The following ROBO2 variants were observed in gnomAD, a reference collection of about 807,000 sequenced individuals.
ROBO2 encodes the protein roundabout guidance receptor 2, also known as roundabout homolog 2.
ROBO2 carries 53 observed loss-of-function variants against 160.8 expected under a neutral mutation model. The observed-to-expected ratio is 0.33, with a 90% CI of 0.26 to 0.41. The LOEUF (loss-of-function observed/expected upper bound fraction) is 0.41, where lower values mean the gene tolerates loss of function less well. ROBO2 is among the 10% of genes least tolerant of loss of function. The probability of loss-of-function intolerance (pLI) is 1.00; values close to 1 mark genes in which losing one functional copy is unlikely to be tolerated. For synonymous variants in ROBO2, 664 were observed against 611.7 expected (o/e 1.09, Z -1.26); for missense variants, 1,577 against 1,722.4 (o/e 0.92, Z 1.49).
rs76660686 is a variant in ROBO2, at chr3:76,064,120, G to A, written c.109+126518G>A. 7.0e-3 allele frequency among the ~76,000 whole-genome samples: 1,072 copies of A among 152,250 alleles called. 61 individuals are homozygous for A. In the East Asian group the frequency reaches 0.15, roughly 22 times the overall value. On this transcript the variant is annotated intron_variant, in intron 2 of 26. Transcript: ENST00000487694. Reference sequence around the variant, plus strand: ...CTGGAAAAAGACCTCCAAGTTTCACGTGAGAATTGCAGACTGGTCGACACC... The same window carrying A: ...CTGGAAAAAGACCTCCAAGTTTCACATGAGAATTGCAGACTGGTCGACACC...
At chr3:76,322,861 A>G (rs553143022) in intron 2 of ROBO2, among the ~76,000 whole-genome samples, 1 of 152,302 alleles carries the variant, frequency 6.6e-6, no homozygotes, top group African/African-American at 2.4e-5. Context: ...AATTAAAATA[A>G]CTTTATGGGG....
intron 2 of ROBO2, among the ~76,000 whole-genome samples, chr3:77,144,592 T>C (rs1048307806): frequency 6.6e-6 from 1 of 152,260 alleles, no homozygotes; most frequent in Non-Finnish European, 1.5e-5. Flanking sequence ...TTACAATTTA[T>C]TTAAACTTTG....
intron 2 of ROBO2, among the ~76,000 whole-genome samples, chr3:76,466,003 G>GTT (rs2078342664): frequency 7.5e-6 from 1 of 133,858 alleles, no homozygotes. Flanking sequence ...ATATGGGTGT[G>GTT]TGTGTGTGTG....
At chr3:76,870,628 A>G (rs1033597376) in intron 2 of ROBO2, among the ~76,000 whole-genome samples, 18 of 152,182 alleles carry the variant, frequency 1.2e-4, no homozygotes, top group African/African-American at 3.9e-4. Flanking sequence ...AGTCCAGGAG[A>G]GAGTACGGCA....
chr3:76,866,162 A>G (rs995604470), intron 2 of ROBO2, among the ~76,000 whole-genome samples: 1 of 152,254 alleles, frequency 6.6e-6, no homozygotes, highest in East Asian at 1.9e-4. Flanking sequence ...AAAGTGGGAA[A>G]GAATATTCTA....
chr3:77,380,884 C>G lies in ROBO2; in HGVS notation c.389-96530C>G, dbSNP rs542343666. Among the ~76,000 whole-genome samples the G allele has an allele frequency of 3.9e-5, 6 of 152,242 alleles. No individual in the cohort carries two copies. The South Asian group carries it at 1.2e-3, about 32-fold the overall frequency. On this transcript the variant is annotated intron_variant, in intron 2 of 25. Transcript: ENST00000461745. ...TTTTGATGCACTTCCTGCAGCCTCA[C>G]CCCACCCCCAAACTCAAAGAGAGTA...
intron 1 of ROBO2, among the ~76,000 whole-genome samples, chr3:75,924,082 T>C (rs1266568505): frequency 6.6e-6 from 1 of 152,220 alleles, no homozygotes; most frequent in East Asian, 1.9e-4. Context: ...TTCCTTGCCA[T>C]AGGTAATGCA....
intron 2 of ROBO2, among the ~76,000 whole-genome samples, chr3:76,237,605 A>C (rs1286507027): frequency 6.6e-6 from 1 of 152,210 alleles, no homozygotes; most frequent in East Asian, 1.9e-4. Context: ...TTAATAAATA[A>C]ATAAATACCT....
At chr3:76,749,910 C>A (rs151113970) in intron 2 of ROBO2, among the ~76,000 whole-genome samples, 3 of 152,002 alleles carry the variant, frequency 2.0e-5, no homozygotes, top group Admixed American at 1.3e-4. Context: ...CTATTCCAAT[C>A]GACAGGAAAA....
At chr3:77,460,058 G>A (rs145173643) in intron 2 of ROBO2, among the ~76,000 whole-genome samples, 3 of 152,054 alleles carry the variant, frequency 2.0e-5, no homozygotes, top group Admixed American at 2.0e-4. Flanking sequence ...AGTGTGGACA[G>A]GAGTAAGAGT....
chr3:76,992,352 TA>T lies in ROBO2; in HGVS notation c.110-105661del, dbSNP rs1559812132. On this transcript the variant is annotated intron_variant, in intron 2 of 26. Coordinates refer to the ROBO2 transcript ENST00000487694. ...ATATATATATATATATATATATATA[TA>T]TATATATATATATATAAATTTAGCT... Among the ~76,000 whole-genome samples the T allele has an allele frequency of 5.2e-4, 37 of 71,168 alleles. 1 individual carries two copies. Among genetic ancestry groups the T allele is most frequent in the African/African-American group, 8.8e-4 (18 of 20,530 alleles). 46.7% of individuals were successfully genotyped at this position (71,168 alleles called of 152,430 possible).
Position 76,368,100 on chromosome 3 carries a change from T to C in ROBO2, c.109+430498T>C, listed in dbSNP as rs2075919823. Among the ~76,000 whole-genome samples, 2 of 151,932 alleles carry C rather than the reference T, an allele frequency of 1.3e-5. 1 individual carries two copies. The highest frequency in any genetic ancestry group is 1.3e-4 in the Admixed American group (2 of 15,212). On this transcript the variant is annotated intron_variant, in intron 2 of 26. Transcript: ENST00000487694. The stretch of plus-strand genomic sequence containing the variant: ...AACAAAATCAAATACTGAAAAATTC[T>C]ATCATTTTTTTTCCTTAGGTGTCAT...
intron 2 of ROBO2, among the ~76,000 whole-genome samples, chr3:76,152,340 A>G (rs915978538): frequency 1.3e-5 from 2 of 152,176 alleles, no homozygotes; most frequent in Admixed American, 6.5e-5. Context: ...CTCCATTAAA[A>G]CTTTGACTGT....
At chr3:76,886,950 AC>A in intron 2 of ROBO2, among the ~76,000 whole-genome samples, 1 of 152,320 alleles carries the variant, frequency 6.6e-6, no homozygotes, top group South Asian at 2.1e-4. Context: ...AGTAGCCACT[AC>A]CTTGGACAGA....
chr3:75,913,483 A>G (rs1485746071), intron 1 of ROBO2, among the ~76,000 whole-genome samples: 5 of 152,204 alleles, frequency 3.3e-5, no homozygotes, highest in Non-Finnish European at 4.4e-5. Context: ...AAAATAATGT[A>G]TCTGTGGGGG....
At chr3:77,412,057 C>T (rs1475792384) in intron 2 of ROBO2, among the ~76,000 whole-genome samples, 5 of 152,114 alleles carry the variant, frequency 3.3e-5, no homozygotes, top group Admixed American at 1.3e-4. Flanking sequence ...ACCTTCCAGG[C>T]GTGTTTTCTA....
chr3:76,036,158 CTT>C (rs547587382), intron 2 of ROBO2, among the ~76,000 whole-genome samples: 2 of 151,112 alleles, frequency 1.3e-5, no homozygotes, highest in Non-Finnish European at 3.0e-5. Context: ...AATTGGCTCA[CTT>C]TTTTTTTGAG....
At chr3:76,039,497 C>CT (rs1276757462) in intron 2 of ROBO2, among the ~76,000 whole-genome samples, 1 of 151,746 alleles carries the variant, frequency 6.6e-6, no homozygotes, top group South Asian at 2.1e-4. Flanking sequence ...CATCTGTTTC[C>CT]TTTTTTTCTA....
intron 2 of ROBO2, among the ~76,000 whole-genome samples, chr3:77,150,239 A>T (rs994633564): frequency 1.3e-5 from 2 of 152,188 alleles, no homozygotes; most frequent in African/African-American, 4.8e-5. Context: ...CCGAGTGGAG[A>T]TGACGGATGT....
Sources: gnomAD v4.1 joint callset for allele counts (sites outside exome capture counted in the v4.1 genomes callset) on GRCh38, gnomAD v4.1.1 for gene constraint, MANE v1.5 for transcripts, NCBI Gene and HGNC (gene_info 2026-07-23, HGNC 2026-07-21) for gene names.